Variants in PRPF40B observed in about 807,000 individuals in gnomAD.
The protein encoded by PRPF40B is pre-mRNA processing factor 40B.
PRPF40B carries 56 observed loss-of-function variants against 124.5 expected under a neutral mutation model. The observed-to-expected ratio is 0.45, with a 90% CI of 0.36 to 0.56. The LOEUF (loss-of-function observed/expected upper bound fraction) is 0.56, where lower values mean the gene tolerates loss of function less well. Ranked by LOEUF, PRPF40B falls within the 20% of genes least tolerant of loss-of-function variation. The probability of loss-of-function intolerance (pLI) is 0.00; values close to 1 mark genes in which losing one functional copy is unlikely to be tolerated. For synonymous variants in PRPF40B, 443 were observed against 426.4 expected, an observed-to-expected ratio of 1.04 and a Z score of -0.48; for missense variants, 1,053 against 1,169.5, an observed-to-expected ratio of 0.90 and a Z score of 1.45.
At chr12:49,637,180 AGTG>A (rs1187595768) in intron 16 of PRPF40B, 2 of 571,066 alleles carry the variant, frequency 3.5e-6, no homozygotes, top group African/African-American at 1.9e-5. Context: ...TGGGGGTGGC[AGTG>A]GTGGTGGTAG....
intron 1 of PRPF40B, among the ~76,000 whole-genome samples, chr12:49,626,326 T>C (rs943689723): frequency 2.0e-5 from 3 of 152,208 alleles, no homozygotes; most frequent in African/African-American, 7.2e-5. Context: ...AGGAGAAAAC[T>C]CAATCCCTGA....
Position 49,635,013 on chromosome 12 carries a change from AG to A in PRPF40B, c.1002-85del. On this transcript the variant is annotated intron_variant, in intron 12 of 25. Coordinates refer to ENST00000548825, the MANE Select transcript of PRPF40B (RefSeq NM_001031698.3). This position sits in a 1 kb window ranked among gnomAD's most constrained non-coding sequence, Gnocchi z 4.1. ...TGCCCTTGGAGCCCCTGCAGCCTGCAGTGTCTCATGACCCTCCAGTGTGGGC... is the reference window on the plus strand; with the variant it reads ...TGCCCTTGGAGCCCCTGCAGCCTGCATGTCTCATGACCCTCCAGTGTGGGC... 2 of 1,366,810 alleles carry A rather than the reference AG, an allele frequency of 1.5e-6. No individual in the cohort carries two copies. The highest frequency in any genetic ancestry group is 2.0e-6 in the Non-Finnish European group (2 of 1,004,590). The allele number at this position is 1,366,810 out of a possible 1,614,324, so 84.7% of individuals were successfully genotyped here. A position where few individuals can be genotyped will look rare whatever the true frequency, so the allele number is the denominator to read the frequency against.
chr12:49,637,945 T>G (rs1942075169), intron 18 of PRPF40B, 121 bp downstream of exon 18: 2 of 753,342 alleles, frequency 2.7e-6, no homozygotes, highest in Non-Finnish European at 4.5e-6. Flanking sequence ...AGATATCTAC[T>G]GTGATCCTTT....
Position 49,628,856 on chromosome 12 carries a change from G to A in PRPF40B, c.4-1689G>A, listed in dbSNP as rs180723027. ...GCTGGGATTACAGGTGTGAGCCACCGTGCCCAGCCAGGAACAGATATTTTA... is the reference window on the plus strand; with the variant it reads ...GCTGGGATTACAGGTGTGAGCCACCATGCCCAGCCAGGAACAGATATTTTA... On this transcript the variant is annotated intron_variant, in intron 1 of 25. Coordinates refer to ENST00000548825, the MANE Select transcript of PRPF40B (RefSeq NM_001031698.3). Among the ~76,000 whole-genome samples the A allele has an allele frequency of 3.9e-5, 6 of 152,302 alleles. No individual in the cohort carries two copies. In the East Asian group the frequency reaches 5.8e-4, roughly 15 times the overall value.
intron 5 of PRPF40B, 105 bp downstream of exon 5, chr12:49,632,728 C>T: frequency 1.3e-6 from 2 of 1,592,682 alleles, no homozygotes; most frequent in Non-Finnish European, 1.7e-6. Context: ...TGTTGGGATG[C>T]CAAGGAGTCT....
chr12:49,639,080 G>A (rs1303080286), intron 18 of PRPF40B: 1 of 152,168 alleles, frequency 6.6e-6, no homozygotes, highest in Non-Finnish European at 1.5e-5. Context: ...TGGAAGTAGA[G>A]CCCTGCATGT....
intron 1 of PRPF40B, chr12:49,623,954 T>G: frequency 1.1e-5 from 12 of 1,076,788 alleles, no homozygotes; most frequent in East Asian, 5.7e-5. Context: ...GGGGACCAGT[T>G]TCCCCTCCTG....
upstream of PRPF40B, among the ~76,000 whole-genome samples, chr12:49,623,161 C>T (rs1940349736): frequency 1.3e-5 from 2 of 151,820 alleles, no homozygotes; most frequent in Non-Finnish European, 2.9e-5. Flanking sequence ...CTTAAAAGTA[C>T]TGTAAAAGAG....
chr12:49,623,498 G>T (rs1171185743), upstream of PRPF40B: 14 of 1,220,408 alleles, frequency 1.1e-5, no homozygotes. Flanking sequence ...GCGACCCCCC[G>T]CCGGCCCCGC....
chr12:49,643,196 C>T (rs1460679573), intron 22 of PRPF40B, 27 bp from the exon 23 acceptor site: 1 of 1,612,994 alleles, frequency 6.2e-7, no homozygotes, highest in Non-Finnish European at 8.5e-7. Flanking sequence ...AACCTCTGCA[C>T]TGACATGTAT....
intron 2 of PRPF40B, 51 bp downstream of exon 2, chr12:49,630,676 A>G (rs570604489): frequency 5.4e-6 from 4 of 747,596 alleles, no homozygotes; most frequent in Admixed American, 1.9e-5. Context: ...TGCACCCCCA[A>G]CTCCCCAGCC....
chr12:49,632,605 G>C lies in PRPF40B; in HGVS notation c.304G>C (p.Gly102Arg), dbSNP rs767249120. The change falls in exon 5 of 26, where the codon GGT becomes CGT. Residue 102 changes from glycine (G) to arginine (R), a missense_variant. By Grantham distance (125) the Gly-to-Arg change is moderately radical. Transcript: ENST00000548825. ...AVPVTAATAP[G>R]ADTASSAVAG... Reference sequence around the variant, plus strand: ...CCTCTTTCTTCGGCAGACGGCTCCGGGTGCGGACACCGCCAGCTGTGAGTC... The same window carrying C: ...CCTCTTTCTTCGGCAGACGGCTCCGCGTGCGGACACCGCCAGCTGTGAGTC... 1 of 1,613,652 alleles carries C rather than the reference G, an allele frequency of 6.2e-7. No individual in the cohort carries two copies. The highest frequency in any genetic ancestry group is 2.2e-5 in the East Asian group (1 of 44,874).
Position 49,634,596 on chromosome 12 carries a change from G to T in PRPF40B, c.995G>T (p.Arg332Leu), listed in dbSNP as rs776994704. 2 of 1,614,144 alleles carry T rather than the reference G, an allele frequency of 1.2e-6. No homozygotes were observed. The highest frequency in any genetic ancestry group is 1.7e-6 in the Non-Finnish European group (2 of 1,180,014). Residue 332 changes from arginine (R) to leucine (L), a missense_variant, in exon 12 of 26, where the codon CGT (arginine) becomes CTT (leucine). Coordinates refer to ENST00000548825, the MANE Select transcript of PRPF40B (RefSeq NM_001031698.3). ...QAMKMVVTDP[R>L]YSALPKLSEK... is the part of the protein sequence containing the mutation. ...ATGAAGATGGTGGTCACCGACCCCC[G>T]TTACAGGTAGGCCTGGGCAGAGGGA...
rs752260668 is a variant in PRPF40B, at chr12:49,636,722, A to G, written c.1433A>G (p.Asp478Gly). 5.6e-6 allele frequency: 9 copies of G among 1,614,152 alleles called. No homozygotes were observed. The highest frequency in any genetic ancestry group is 3.3e-5 in the South Asian group (3 of 91,084). The change falls in exon 16 of 26, where the codon GAC (aspartate) becomes GGC (glycine). Residue 478 changes from aspartate (D) to glycine (G), a missense_variant. Asp to Gly is a moderately conservative substitution (Grantham distance 94). Transcript: ENST00000548825. ...FAQDHQLQNM[D>G]KEDALICFEE... is the part of the protein sequence containing the mutation. The stretch of plus-strand genomic sequence containing the variant: ...ACCTCCTGCCTGTCTTTAGACATGG[A>G]CAAGGAAGATGCACTGATCTGTTTT...
intron 15 of PRPF40B, 21 bp downstream of exon 15, chr12:49,636,014 C>T (rs1941757235): frequency 6.2e-7 from 1 of 1,613,268 alleles, no homozygotes; most frequent in South Asian, 1.1e-5. Context: ...GCCTCCAATC[C>T]CAGCTATCCC....
At chr12:49,625,704 C>T (rs189069909) in intron 1 of PRPF40B, among the ~76,000 whole-genome samples, 3 of 152,264 alleles carry the variant, frequency 2.0e-5, no homozygotes, top group African/African-American at 7.2e-5. Context: ...TCTCTCAGCC[C>T]ACAAATGTGT....
At chr12:49,633,295 T>C (rs78856323) in intron 7 of PRPF40B, 132 bp from the exon 8 acceptor site, 32,478 of 1,374,642 alleles carry the variant, frequency 0.024, 514 homozygotes, top group African/African-American at 0.06. Flanking sequence ...AAGTCCACCT[T>C]CCCCAGTTTG....
At position 49,635,806 on chromosome 12, in the gene PRPF40B, G is replaced by C; in HGVS notation, c.1276-37G>C. 6.2e-7 allele frequency: 1 copy of C among 1,609,582 alleles called. No individual in the cohort carries two copies. Among genetic ancestry groups the C allele is most frequent in the Non-Finnish European group, 8.5e-7 (1 of 1,177,974 alleles). On this transcript the variant is annotated intron_variant, in intron 14 of 25. Transcript: ENST00000548825. The surrounding 1 kb of genome is among the most constrained non-coding windows in gnomAD (Gnocchi z 4.1). Reference sequence around the variant, plus strand: ...GCCCAGGCCTACTTGGGTAGCTCTGGCCTGCCCTGCCTCACCCTGATCCTG... The same window carrying C: ...GCCCAGGCCTACTTGGGTAGCTCTGCCCTGCCCTGCCTCACCCTGATCCTG...
At chr12:49,632,531 A>C in intron 4 of PRPF40B, 65 bp from the exon 5 acceptor site, 1 of 1,550,778 alleles carries the variant, frequency 6.4e-7, no homozygotes, top group African/African-American at 1.4e-5. Flanking sequence ...TCCATCCCCC[A>C]TGGCCTGGGT....
Sources: allele counts gnomAD v4.1 joint callset (sites outside exome capture counted in the v4.1 genomes callset), GRCh38; gene constraint gnomAD v4.1.1; non-coding constraint Gnocchi (gnomAD v3.1); transcripts MANE v1.5; gene names NCBI Gene and HGNC (gene_info 2026-07-23, HGNC 2026-07-21).